Variants in TIAM1 observed in about 807,000 individuals in gnomAD.
TIAM1 encodes rho guanine nucleotide exchange factor TIAM1.
A neutral mutation model predicts 163.5 loss-of-function variants in TIAM1; 65 were observed. The ratio of observed to expected loss-of-function variants is 0.40; its 90% confidence interval spans 0.33 to 0.49. The LOEUF (loss-of-function observed/expected upper bound fraction) is 0.49. Ranked by LOEUF, TIAM1 falls within the 20% of genes least tolerant of loss-of-function variation. TIAM1 has a pLI of 0.77. For synonymous variants in TIAM1, 833 were observed against 810.1 expected (o/e 1.03, Z -0.48); for missense variants, 1,789 against 2,044.7 (o/e 0.87, Z 2.41).
At chr21:31,319,337 C>T (rs1452437906) in intron 2 of TIAM1, among the ~76,000 whole-genome samples, 3 of 152,106 alleles carry the variant, frequency 2.0e-5, no homozygotes, top group East Asian at 1.9e-4. Flanking sequence ...ATTGTGGGGT[C>T]ACATAGTAAT....
In TIAM1 at chr21:31,529,448, G is replaced by T. The variant is rs181817282; in HGVS notation, c.-422+29479C>A. On this transcript the variant is annotated intron_variant, in intron 1 of 28. Transcript: ENST00000286827. ...TCCAAGCATAAGATTTCAGAAACGA[G>T]GAGTATGTTCCCTTCAGTAGCTCTT... Among the ~76,000 whole-genome samples the T allele has an allele frequency of 4.2e-3, 632 of 152,030 alleles. 2 individuals carry two copies. Among genetic ancestry groups the T allele is most frequent in the Non-Finnish European group, 6.2e-3 (422 of 67,892 alleles).
intron 2 of TIAM1, among the ~76,000 whole-genome samples, chr21:31,372,452 G>A (rs1483923013): frequency 6.6e-6 from 1 of 152,140 alleles, no homozygotes; most frequent in South Asian, 2.1e-4. Flanking sequence ...CCTTAGGGGG[G>A]CATCTGTGAC....
chr21:31,323,783 A>G (rs1872492862), intron 2 of TIAM1, among the ~76,000 whole-genome samples: 1 of 152,182 alleles, frequency 6.6e-6, no homozygotes. Context: ...GTGAGCCGGG[A>G]TCGCGCCATT....
At chr21:31,164,035 T>C (rs1304702603) in intron 16 of TIAM1, among the ~76,000 whole-genome samples, 1 of 152,142 alleles carries the variant, frequency 6.6e-6, no homozygotes, top group Non-Finnish European at 1.5e-5. Context: ...TTTTGAAGAC[T>C]GTGGTAAAAG....
chr21:31,266,806 G>GT lies in TIAM1; in HGVS notation c.166dup (p.Thr56AsnfsTer15). ...GATGCTGGGGGTGCTGCTGGATCGG[G>GT]TGCTCACTTCGGAGTTCCTGTGGAT... is the stretch of plus-strand genomic sequence containing the variant. On this transcript the variant is annotated frameshift_variant, in exon 4 of 28. Transcript: ENST00000541036. LOFTEE classifies it high-confidence loss of function. 6.2e-7 allele frequency: 1 copy of GT among 1,614,224 alleles called. No homozygotes were observed. Among genetic ancestry groups the GT allele is most frequent in the Non-Finnish European group, 8.5e-7 (1 of 1,180,044 alleles).
At chr21:31,303,662 CA>C (rs2074586133) in intron 2 of TIAM1, among the ~76,000 whole-genome samples, 1 of 151,948 alleles carries the variant, frequency 6.6e-6, no homozygotes. Context: ...AAAACACCCT[CA>C]GGGAAAAAAA....
At chr21:31,155,515 T>G (rs2146330641) in intron 16 of TIAM1, among the ~76,000 whole-genome samples, 1 of 152,328 alleles carries the variant, frequency 6.6e-6, no homozygotes, top group South Asian at 2.1e-4. Context: ...CTTACTTTTT[T>G]TTTTTTTGAG....
chr21:31,193,352 C>T (rs1460089058), intron 13 of TIAM1, among the ~76,000 whole-genome samples: 1 of 152,188 alleles, frequency 6.6e-6, no homozygotes, highest in African/African-American at 2.4e-5. Context: ...CGCCTACTTT[C>T]CTCCTGGGAG....
At chr21:31,553,356 G>A (rs1383990676) in intron 1 of TIAM1, among the ~76,000 whole-genome samples, 1 of 152,186 alleles carries the variant, frequency 6.6e-6, no homozygotes, top group Admixed American at 6.5e-5. Context: ...TGTCCTGTGA[G>A]GAGATGGAGA....
chr21:31,519,488 C>T (rs1249379301), intron 1 of TIAM1, among the ~76,000 whole-genome samples: 1 of 137,898 alleles, frequency 7.3e-6, no homozygotes, highest in Non-Finnish European at 1.5e-5. Context: ...CAGCCTGAGC[C>T]ACAGAGCGAG....
At chr21:31,315,376 A>G (rs910709080) in intron 2 of TIAM1, among the ~76,000 whole-genome samples, 1 of 151,898 alleles carries the variant, frequency 6.6e-6, no homozygotes, top group Non-Finnish European at 1.5e-5. Flanking sequence ...TTATCCAGGC[A>G]TGGTGGCGGG....
chr21:31,369,142 C>T (rs189156877), intron 2 of TIAM1, among the ~76,000 whole-genome samples: 60 of 149,186 alleles, frequency 4.0e-4, no homozygotes, highest in African/African-American at 1.1e-3. Flanking sequence ...AGGAGAACAG[C>T]GTGAACCCGG....
chr21:31,346,816 C>T (rs1386912737), upstream of TIAM1, among the ~76,000 whole-genome samples: 1 of 152,040 alleles, frequency 6.6e-6, no homozygotes, highest in Non-Finnish European at 1.5e-5. Flanking sequence ...TGGGCTTACA[C>T]GGGGAGCACA....
chr21:31,540,856 T>C (rs1000000483), intron 1 of TIAM1, among the ~76,000 whole-genome samples: 3 of 151,970 alleles, frequency 2.0e-5, no homozygotes, highest in African/African-American at 7.3e-5. Context: ...AGTAAAGAAA[T>C]GGAGAAAGAG....
chr21:31,438,397 G>T (rs1051574850), intron 2 of TIAM1, among the ~76,000 whole-genome samples: 1 of 151,654 alleles, frequency 6.6e-6, no homozygotes, highest in Non-Finnish European at 1.5e-5. Context: ...TTGCCATGTT[G>T]GACAGGCTGG....
At chr21:31,212,607 T>TA (rs1491283989) in intron 10 of TIAM1, 2 of 61,922 alleles carry the variant, frequency 3.2e-5, no homozygotes, top group Non-Finnish European at 5.4e-5. Flanking sequence ...CCTGTGAATC[T>TA]TTTTTTTTTT....
At chr21:31,158,985 G>A (rs2083764779) in intron 16 of TIAM1, among the ~76,000 whole-genome samples, 1 of 152,100 alleles carries the variant, frequency 6.6e-6, no homozygotes, top group Non-Finnish European at 1.5e-5. Context: ...CTCAATGGGA[G>A]CTTCTCAACA....
intron 27 of TIAM1, among the ~76,000 whole-genome samples, chr21:31,123,464 C>T (rs1214395393): frequency 6.6e-6 from 1 of 152,330 alleles, no homozygotes; most frequent in East Asian, 1.9e-4. Flanking sequence ...GTGTTCACTG[C>T]ACTAAGTTTT....
intron 3 of TIAM1, among the ~76,000 whole-genome samples, chr21:31,273,661 C>T (rs547895927): frequency 1.3e-5 from 2 of 152,286 alleles, no homozygotes; most frequent in Admixed American, 1.3e-4. Flanking sequence ...GTAACAATAC[C>T]TGGAGTATCA....
Sources: allele counts gnomAD v4.1 joint callset (sites outside exome capture counted in the v4.1 genomes callset), GRCh38; gene constraint gnomAD v4.1.1; transcripts MANE v1.5; gene names NCBI Gene and HGNC (gene_info 2026-07-23, HGNC 2026-07-21).